The following ERICH3 variants were observed in gnomAD, a reference collection of about 807,000 sequenced individuals.
The protein encoded by ERICH3 is glutamate rich 3.
In ERICH3, 126 loss-of-function variants were observed where a neutral mutation model predicts 131.1. That is an observed-to-expected ratio of 0.96 (90% CI 0.83 to 1.11). ERICH3 has a LOEUF of 1.11. Among genes scored for constraint, ERICH3 ranks in the 50% most tolerant of loss-of-function variants. The pLI, the probability that ERICH3 is intolerant of heterozygous loss-of-function variation, is 0.00. For missense variants in ERICH3, 2,050 were observed against 1,810.7 expected (o/e 1.13, Z -2.40); for synonymous variants, 695 against 644.6 (o/e 1.08, Z -1.18).
intron 11 of ERICH3, among the ~76,000 whole-genome samples, chr1:74,595,035 C>A (rs1237305592): frequency 6.6e-6 from 1 of 152,052 alleles, no homozygotes; most frequent in Non-Finnish European, 1.5e-5. Context: ...AATTCTAATA[C>A]CATCCAATTC....
At chr1:74,658,756 A>G (rs754240439) in intron 1 of ERICH3, among the ~76,000 whole-genome samples, 1 of 152,030 alleles carries the variant, frequency 6.6e-6, no homozygotes, top group Non-Finnish European at 1.5e-5. Flanking sequence ...TTGTTCACTT[A>G]CCCCCACCCT....
At chr1:74,637,341 TTCC>T (rs1159782774) in intron 5 of ERICH3, among the ~76,000 whole-genome samples, 1 of 152,082 alleles carries the variant, frequency 6.6e-6, no homozygotes, top group Admixed American at 6.6e-5. Context: ...TGGTGTCCAA[TTCC>T]TCTGTTCCCC....
rs776725780 is a variant in ERICH3 at position 74,573,146 on chromosome 1, C to T, written c.2564G>A (p.Gly855Glu). 1.2e-6 allele frequency: 2 copies of T among 1,612,830 alleles called. No individual in the cohort carries two copies. Among genetic ancestry groups the T allele is most frequent in the African/African-American group, 2.7e-5 (2 of 75,016 alleles). Residue 855 changes from glycine (G) to glutamate (E), a missense_variant, in exon 14 of 15, where the codon GGG becomes GAG. Physicochemically the swap from Gly to Glu is moderately conservative, Grantham distance 98. Transcript: ENST00000326665. ...AEGVRRLGEG[G>E]SDPIGQAAAK... Reference sequence around the variant, plus strand: ...TGCTGCTTGTCCTATGGGGTCTGACCCCCCTTCACCCAGCCTTCTGACCCC... The same window carrying T: ...TGCTGCTTGTCCTATGGGGTCTGACTCCCCTTCACCCAGCCTTCTGACCCC...
At chr1:74,582,533 A>G (rs1305577928) in intron 12 of ERICH3, among the ~76,000 whole-genome samples, 1 of 152,198 alleles carries the variant, frequency 6.6e-6, no homozygotes, top group Non-Finnish European at 1.5e-5. Flanking sequence ...GTTTCTAATT[A>G]ACATTCTCCC....
At chr1:74,628,775 A>G in intron 7 of ERICH3, among the ~76,000 whole-genome samples, 1 of 152,228 alleles carries the variant, frequency 6.6e-6, no homozygotes, top group East Asian at 1.9e-4. Context: ...AAAAAGTAAT[A>G]TGACAAAAAG....
intron 1 of ERICH3, among the ~76,000 whole-genome samples, chr1:74,672,769 TA>T (rs1055273192): frequency 2.9e-4 from 31 of 105,470 alleles, no homozygotes; most frequent in African/African-American, 7.6e-4. Flanking sequence ...TCCCTTCCAA[TA>T]AAAAAAGAAA....
Position 74,573,198 on chromosome 1 carries a change from C to G in ERICH3, c.2512G>C (p.Gly838Arg), listed in dbSNP as rs1202234472. ...KREIPPGIER[G>R]AEGAAEAEGV... The stretch of plus-strand genomic sequence containing the variant: ...TCTGCTTCTGCTGCTCCCTCTGCCC[C>G]CCTTTCTATGCCTGGAGGGATCTCC... Residue 838 changes from glycine (G) to arginine (R), a missense_variant, in exon 14 of 15, where the codon GGG (glycine) becomes CGG (arginine). Coordinates refer to ENST00000326665, the MANE Select transcript of ERICH3 (RefSeq NM_001002912.5). The G allele has an allele frequency of 1.3e-5, 21 of 1,612,576 alleles. No homozygotes were observed. The highest frequency in any genetic ancestry group is 1.0e-4 in the Admixed American group (6 of 59,892).
At chr1:74,634,985 T>A (rs1646375601) in intron 6 of ERICH3, 1 of 313,852 alleles carries the variant, frequency 3.2e-6, no homozygotes, top group South Asian at 1.3e-4. Flanking sequence ...GATAATGCAC[T>A]TCTTCTATAA....
intron 6 of ERICH3, chr1:74,634,524 C>CA (rs1646370030): frequency 1.7e-6 from 1 of 588,618 alleles, no homozygotes. Context: ...TTTGAAGAGT[C>CA]ACATTAAAGG....
intron 7 of ERICH3, among the ~76,000 whole-genome samples, chr1:74,630,029 A>G (rs1259799310): frequency 6.6e-6 from 1 of 152,178 alleles, no homozygotes; most frequent in Non-Finnish European, 1.5e-5. Context: ...GAACTTGTAC[A>G]TATAGATAAG....
intron 6 of ERICH3, among the ~76,000 whole-genome samples, chr1:74,635,613 A>G (rs1193340577): frequency 6.6e-6 from 1 of 152,130 alleles, no homozygotes; most frequent in Non-Finnish European, 1.5e-5. Flanking sequence ...TTTTAGAAAA[A>G]CTAACAATAC....
At chr1:74,602,242 C>T (rs372569682) in intron 10 of ERICH3, among the ~76,000 whole-genome samples, 1 of 152,002 alleles carries the variant, frequency 6.6e-6, no homozygotes, top group East Asian at 1.9e-4. Flanking sequence ...GTCAAGGCTG[C>T]CCTGGCTTTA....
At chr1:74,665,234 T>C (rs748248149) in intron 1 of ERICH3, among the ~76,000 whole-genome samples, 13 of 151,586 alleles carry the variant, frequency 8.6e-5, no homozygotes, top group Non-Finnish European at 1.6e-4. Context: ...CAGCCATCTG[T>C]GAACCAGAGA....
intron 1 of ERICH3, among the ~76,000 whole-genome samples, chr1:74,672,519 G>T (rs12406477): frequency 0.023 from 3,440 of 152,250 alleles, 49 homozygotes; most frequent in Non-Finnish European, 0.035. Flanking sequence ...TTGGGTATAA[G>T]TTCCAACACA....
chr1:74,640,962 A>C (rs1177834544), intron 5 of ERICH3, among the ~76,000 whole-genome samples: 3 of 152,166 alleles, frequency 2.0e-5, no homozygotes. Flanking sequence ...GTAATCATGC[A>C]GAAAAAATTT....
intron 6 of ERICH3, among the ~76,000 whole-genome samples, chr1:74,633,550 A>T (rs942445379): frequency 6.6e-6 from 1 of 151,928 alleles, no homozygotes; most frequent in Non-Finnish European, 1.5e-5. Context: ...AAAAATTAAC[A>T]TGTTGTTCTT....
intron 12 of ERICH3, among the ~76,000 whole-genome samples, chr1:74,587,298 C>A (rs1339349684): frequency 7.5e-6 from 1 of 133,686 alleles, no homozygotes; most frequent in Non-Finnish European, 1.5e-5. Flanking sequence ...GCACTCCAGC[C>A]TGGGTGACAG....
intron 7 of ERICH3, among the ~76,000 whole-genome samples, chr1:74,627,235 G>T (rs2100618604): frequency 6.6e-6 from 1 of 152,144 alleles, no homozygotes; most frequent in African/African-American, 2.4e-5. Flanking sequence ...ATCTTGAATA[G>T]AAAAACAAGT....
intron 7 of ERICH3, among the ~76,000 whole-genome samples, chr1:74,630,502 C>G (rs918613362): frequency 6.6e-6 from 1 of 152,136 alleles, no homozygotes; most frequent in Non-Finnish European, 1.5e-5. Context: ...CTGAGCTGTT[C>G]CTCCACTCTG....
Sources: gnomAD v4.1 joint callset for allele counts (sites outside exome capture counted in the v4.1 genomes callset) on GRCh38, gnomAD v4.1.1 for gene constraint, MANE v1.5 for transcripts, NCBI Gene and HGNC (gene_info 2026-07-23, HGNC 2026-07-21) for gene names.